Variants in ERC2 observed in about 807,000 individuals in gnomAD.
ERC2 encodes the protein ELKS/RAB6-interacting/CAST family member 2.
A neutral mutation model predicts 114.8 loss-of-function variants in ERC2; 42 were observed. The observed-to-expected ratio is 0.37, with a 90% confidence interval of 0.29 to 0.47. The LOEUF (loss-of-function observed/expected upper bound fraction) is 0.47. ERC2 is among the 20% of genes least tolerant of loss of function. The pLI is 0.99. For synonymous variants in ERC2, 454 were observed against 425.5 expected (o/e 1.07, Z -0.82); for missense variants, 939 against 1,150.7 (o/e 0.82, Z 2.66).
At chr3:55,851,471 G>A (rs2061570132) in intron 14 of ERC2, among the ~76,000 whole-genome samples, 1 of 152,100 alleles carries the variant, frequency 6.6e-6, no homozygotes, top group Admixed American at 6.5e-5. Context: ...CGCATTCCAA[G>A]GAAATAACAA....
intron 12 of ERC2, among the ~76,000 whole-genome samples, chr3:55,952,179 ACTCTCTCTCTCTCTCT>A (rs775838556): frequency 2.4e-4 from 15 of 62,082 alleles, no homozygotes; most frequent in African/African-American, 6.0e-4. Flanking sequence ...ACACACACAC[ACTCTCTCTCTCTCTCT>A]CTCTATATAT....
intron 17 of ERC2, among the ~76,000 whole-genome samples, chr3:55,594,397 G>A (rs1330860994): frequency 6.6e-6 from 1 of 152,074 alleles, no homozygotes; most frequent in Non-Finnish European, 1.5e-5. Flanking sequence ...GCCTATAACA[G>A]AATTTTGCTA....
intron 7 of ERC2, among the ~76,000 whole-genome samples, chr3:56,045,278 A>T (rs1354133719): frequency 2.6e-5 from 4 of 152,220 alleles, no homozygotes; most frequent in Non-Finnish European, 5.9e-5. Context: ...TTTTAGAAAC[A>T]TCAAGAAATG....
intron 17 of ERC2, among the ~76,000 whole-genome samples, chr3:55,511,758 A>G (rs2052084520): frequency 6.6e-6 from 1 of 152,232 alleles, no homozygotes; most frequent in Admixed American, 6.5e-5. Context: ...CCAACCAAAC[A>G]TAAATGTGAC....
chr3:56,218,446 T>C (rs1375837857), intron 3 of ERC2, among the ~76,000 whole-genome samples: 1 of 152,166 alleles, frequency 6.6e-6, no homozygotes, highest in Non-Finnish European at 1.5e-5. Flanking sequence ...TGAGATACCA[T>C]CTCACACCAG....
chr3:55,607,111 C>T (rs1291578209), intron 17 of ERC2: 2 of 152,300 alleles, frequency 1.3e-5, no homozygotes, highest in Non-Finnish European at 2.9e-5. Flanking sequence ...TACACACATT[C>T]ATTAAGCATG....
chr3:56,452,775 T>A (rs1375507706), intron 1 of ERC2, among the ~76,000 whole-genome samples: 1 of 152,170 alleles, frequency 6.6e-6, no homozygotes, highest in Non-Finnish European at 1.5e-5. Flanking sequence ...AGTAAGTATC[T>A]GAGTAACAAT....
intron 3 of ERC2, among the ~76,000 whole-genome samples, chr3:56,233,942 A>C (rs2050785391): frequency 6.6e-6 from 1 of 152,174 alleles, no homozygotes; most frequent in African/African-American, 2.4e-5. Context: ...CACTTGTATA[A>C]TCTAGGATAG....
At chr3:55,788,429 G>A (rs973527792) in intron 14 of ERC2, among the ~76,000 whole-genome samples, 3 of 152,162 alleles carry the variant, frequency 2.0e-5, no homozygotes, top group African/African-American at 4.8e-5. Context: ...GCTACAATGG[G>A]AGGACAACAG....
intron 2 of ERC2, among the ~76,000 whole-genome samples, chr3:56,412,588 T>A (rs565210157): frequency 6.6e-6 from 1 of 152,262 alleles, no homozygotes; most frequent in East Asian, 1.9e-4. Context: ...GTATCTCATA[T>A]CTACCACTTT....
intron 17 of ERC2, among the ~76,000 whole-genome samples, chr3:55,584,272 C>T (rs537646377): frequency 4.0e-4 from 61 of 152,266 alleles, no homozygotes; most frequent in Admixed American, 1.8e-3. Flanking sequence ...ACTCAGTTTT[C>T]CCATCTGCAA....
At chr3:55,609,434 A>G (rs1462245013) in intron 17 of ERC2, among the ~76,000 whole-genome samples, 2 of 152,120 alleles carry the variant, frequency 1.3e-5, no homozygotes, top group Non-Finnish European at 2.9e-5. Flanking sequence ...ATCTCTGCCT[A>G]ACTGTGCTTG....
intron 14 of ERC2, among the ~76,000 whole-genome samples, chr3:55,887,156 T>G (rs771957944): frequency 8.5e-5 from 13 of 152,234 alleles, no homozygotes; most frequent in Non-Finnish European, 1.6e-4. Context: ...AAGCAAATTA[T>G]GAATCTCTCT....
intron 15 of ERC2, among the ~76,000 whole-genome samples, chr3:55,714,940 T>C (rs1056310310): frequency 5.3e-5 from 8 of 152,044 alleles, no homozygotes; most frequent in African/African-American, 1.7e-4. Flanking sequence ...GAAATCATTT[T>C]AGTTCTGGGG....
chr3:56,369,020 G>A (rs1054432879), intron 2 of ERC2, among the ~76,000 whole-genome samples: 1 of 152,114 alleles, frequency 6.6e-6, no homozygotes, highest in Admixed American at 6.5e-5. Context: ...TCTAGAAGTC[G>A]CCAGCTTTCA....
chr3:55,866,231 C>A (rs570862864), intron 14 of ERC2, among the ~76,000 whole-genome samples: 1 of 152,230 alleles, frequency 6.6e-6, no homozygotes, highest in African/African-American at 2.4e-5. Flanking sequence ...TTTTCATATG[C>A]TTACTGGTCA....
chr3:56,381,602 T>C (rs923827519), intron 2 of ERC2, among the ~76,000 whole-genome samples: 5 of 151,868 alleles, frequency 3.3e-5, no homozygotes, highest in African/African-American at 1.2e-4. Flanking sequence ...CAGATTCTTC[T>C]TAGTGTCTCA....
At chr3:55,698,555 T>C (rs1202066642) in intron 16 of ERC2, among the ~76,000 whole-genome samples, 2 of 152,190 alleles carry the variant, frequency 1.3e-5, no homozygotes. Context: ...CTTATCCAGA[T>C]GGTTCTATTT....
chr3:55,978,766 T>C (rs2069808709), intron 12 of ERC2, among the ~76,000 whole-genome samples: 1 of 152,202 alleles, frequency 6.6e-6, no homozygotes, highest in Admixed American at 6.5e-5. Context: ...TGTTGTTTCT[T>C]AGGAGGTAGT....
Sources: allele counts gnomAD v4.1 joint callset (sites outside exome capture counted in the v4.1 genomes callset), GRCh38; gene constraint gnomAD v4.1.1; transcripts MANE v1.5; gene names NCBI Gene and HGNC (gene_info 2026-07-23, HGNC 2026-07-21).